SUFU: variants seen among roughly 807,000 people sequenced by gnomAD.
The protein encoded by SUFU is SUFU negative regulator of hedgehog signaling.
A neutral mutation model predicts 58.9 loss-of-function variants in SUFU; 7 were observed. The ratio of observed to expected loss-of-function variants is 0.12; its 90% CI spans 0.07 to 0.22. The LOEUF (loss-of-function observed/expected upper bound fraction) is 0.22, where lower values mean the gene tolerates loss of function less well. Ranked by LOEUF, SUFU falls within the 10% of genes least tolerant of loss-of-function variation. SUFU has a pLI of 1.00. For synonymous variants in SUFU, 232 were observed against 254.8 expected, an observed-to-expected ratio of 0.91 and a Z score of 0.85; for missense variants, 451 against 641.3, an observed-to-expected ratio of 0.70 and a Z score of 3.20.
At chr10:102,620,001 C>T (rs975206332) in intron 10 of SUFU, among the ~76,000 whole-genome samples, 1 of 152,222 alleles carries the variant, frequency 6.6e-6, no homozygotes, top group Admixed American at 6.5e-5. Context: ...CTCGCACCCC[C>T]AGGGTTCCGA....
rs1590097428 is a variant in SUFU at position 102,632,741 on chromosome 10, G to A, written c.*2586G>A. 1.3e-5 allele frequency: 3 copies of A among 233,256 alleles called. No individual in the cohort carries two copies. The highest frequency in any genetic ancestry group is 6.0e-5 in the East Asian group (1 of 16,596). 14.4% of individuals were successfully genotyped at this position (233,256 alleles called of 1,614,324 possible). ...AAGCTACTTGGAGACTTGCCTAGTT[G>A]TACCCACCCCTCCAGGTCCCTGGTG... On this transcript the variant is annotated 3_prime_UTR_variant, in exon 12 of 12. Coordinates refer to ENST00000369902, the MANE Select transcript of SUFU (RefSeq NM_016169.4).
At chr10:102,520,922 T>C (rs2062544123) in intron 2 of SUFU, among the ~76,000 whole-genome samples, 1 of 152,236 alleles carries the variant, frequency 6.6e-6, no homozygotes, top group African/African-American at 2.4e-5. Context: ...TTAATTAAGC[T>C]TCTATAAACA....
rs1480564759 is a variant in SUFU, at chr10:102,632,539, G to C, written c.*2384G>C. 4.3e-6 allele frequency: 1 copy of C among 233,372 alleles called. No individual in the cohort carries two copies. The highest frequency in any genetic ancestry group is 8.5e-6 in the Non-Finnish European group (1 of 118,140). The allele number at this position is 233,372 out of a possible 1,614,324, so 14.5% of individuals were successfully genotyped here. A position where few individuals can be genotyped will look rare whatever the true frequency, so the allele number is the denominator to read the frequency against. Reference sequence around the variant, plus strand: ...TCTTGGGCTGCTGGCTGGTGAGAGAGGACCCTTAAAGAAGATCAAGCCAAG... The same window carrying C: ...TCTTGGGCTGCTGGCTGGTGAGAGACGACCCTTAAAGAAGATCAAGCCAAG... On this transcript the variant is annotated 3_prime_UTR_variant, in exon 12 of 12. Coordinates refer to ENST00000369902, the MANE Select transcript of SUFU (RefSeq NM_016169.4).
intron 2 of SUFU, among the ~76,000 whole-genome samples, chr10:102,543,393 C>T (rs1330462037): frequency 6.6e-6 from 1 of 151,856 alleles, no homozygotes; most frequent in Non-Finnish European, 1.5e-5. Context: ...GAGTTTTTTC[C>T]AAATTAAAAA....
chr10:102,507,417 T>A (rs2062340752), intron 1 of SUFU, among the ~76,000 whole-genome samples: 1 of 152,206 alleles, frequency 6.6e-6, no homozygotes, highest in African/African-American at 2.4e-5. Flanking sequence ...ATGGGGTCTT[T>A]CCAGGGATCT....
chr10:102,580,812 G>T (rs943787687), intron 3 of SUFU, among the ~76,000 whole-genome samples: 2 of 152,064 alleles, frequency 1.3e-5, no homozygotes, highest in African/African-American at 4.8e-5. Flanking sequence ...TACACCCTGT[G>T]GCCTAAAACT....
chr10:102,551,868 G>GTGC (rs925466625), intron 3 of SUFU, among the ~76,000 whole-genome samples: 12 of 150,410 alleles, frequency 8.0e-5, no homozygotes, highest in Admixed American at 2.0e-4. Context: ...GCGACTACAG[G>GTGC]TGCCCGCCAC....
chr10:102,543,936 G>T (rs2062828295), intron 2 of SUFU, among the ~76,000 whole-genome samples: 1 of 152,160 alleles, frequency 6.6e-6, no homozygotes, highest in Non-Finnish European at 1.5e-5. Context: ...TAAGAAGATA[G>T]ACTTAATTAG....
At chr10:102,573,310 GAAAAAACA>G in intron 3 of SUFU, 1 of 545,816 alleles carries the variant, frequency 1.8e-6, no homozygotes, top group Non-Finnish European at 3.3e-6. Context: ...ATCAAAAAAA[GAAAAAACA>G]AAACAAAACA....
intron 1 of SUFU, among the ~76,000 whole-genome samples, chr10:102,504,606 A>G (rs566416018): frequency 7.0e-6 from 1 of 142,564 alleles, no homozygotes; most frequent in Non-Finnish European, 1.5e-5. Flanking sequence ...GGGGAACGGC[A>G]GGAGCGAGGG....
chr10:102,598,527 C>T (rs990886820), intron 7 of SUFU, among the ~76,000 whole-genome samples: 29 of 152,202 alleles, frequency 1.9e-4, no homozygotes, highest in African/African-American at 7.0e-4. Flanking sequence ...AGAGGGTATA[C>T]AGTTATTGGA....
At chr10:102,535,770 C>T (rs1485636872) in intron 2 of SUFU, among the ~76,000 whole-genome samples, 1 of 152,118 alleles carries the variant, frequency 6.6e-6, no homozygotes, top group Non-Finnish European at 1.5e-5. Flanking sequence ...AGGCCACCCC[C>T]AGAGGAAGGG....
intron 4 of SUFU, among the ~76,000 whole-genome samples, chr10:102,593,173 A>C (rs906497155): frequency 1.3e-5 from 2 of 152,146 alleles, no homozygotes; most frequent in Non-Finnish European, 2.9e-5. Flanking sequence ...CCTATCCCCT[A>C]ATAAGGAAGG....
chr10:102,511,519 C>A (rs1451060721), intron 2 of SUFU, among the ~76,000 whole-genome samples: 1 of 151,784 alleles, frequency 6.6e-6, no homozygotes, highest in Non-Finnish European at 1.5e-5. Flanking sequence ...AGCCTTTTTT[C>A]CCTTTGTTTA....
chr10:102,557,715 A>G (rs913114645), intron 3 of SUFU, among the ~76,000 whole-genome samples: 3 of 152,108 alleles, frequency 2.0e-5, no homozygotes, highest in South Asian at 2.1e-4. Context: ...GTATGTTCAA[A>G]TGGGGTCCTC....
rs945827751 is a variant in SUFU, at chr10:102,521,168, A to T, written c.317+11865A>T. Reference sequence around the variant, plus strand: ...TGTTTTTTGGATTTTAGCCATTCCAATAGGTGTGGAGTGGTATCTAATTGT... The same window carrying T: ...TGTTTTTTGGATTTTAGCCATTCCATTAGGTGTGGAGTGGTATCTAATTGT... On this transcript the variant is annotated intron_variant, in intron 2 of 11. Coordinates refer to ENST00000369902, the MANE Select transcript of SUFU (RefSeq NM_016169.4). Among the ~76,000 whole-genome samples the T allele has an allele frequency of 2.0e-5, 3 of 152,132 alleles. No homozygotes were observed. In the East Asian group the frequency reaches 5.8e-4, roughly 29 times the overall value.
At chr10:102,515,667 A>G (rs897361268) in intron 2 of SUFU, among the ~76,000 whole-genome samples, 10 of 152,024 alleles carry the variant, frequency 6.6e-5, no homozygotes, top group African/African-American at 2.4e-4. Flanking sequence ...TCTTCGCCAT[A>G]CACATCTGTA....
At chr10:102,576,925 G>A (rs2063217418) in intron 3 of SUFU, among the ~76,000 whole-genome samples, 1 of 152,026 alleles carries the variant, frequency 6.6e-6, no homozygotes, top group African/African-American at 2.4e-5. Context: ...TGCCCAGGCT[G>A]GTCTTGAACT....
chr10:102,552,039 C>G (rs2062924707), intron 3 of SUFU, among the ~76,000 whole-genome samples: 1 of 152,022 alleles, frequency 6.6e-6, no homozygotes, highest in African/African-American at 2.4e-5. Context: ...TATGTACCTT[C>G]TTATGTGTTG....
Sources: gnomAD v4.1 joint callset for allele counts (sites outside exome capture counted in the v4.1 genomes callset) on GRCh38, gnomAD v4.1.1 for gene constraint, MANE v1.5 for transcripts, NCBI Gene and HGNC (gene_info 2026-07-23, HGNC 2026-07-21) for gene names.